Variants in COBLL1 observed in about 807,000 individuals in gnomAD.
COBLL1 encodes the protein cordon-bleu protein-like 1.
A neutral mutation model predicts 94.8 loss-of-function variants in COBLL1; 50 were observed. The observed-to-expected ratio is 0.53, with a 90% CI of 0.42 to 0.67. COBLL1 has a LOEUF of 0.67. COBLL1 is among the 30% of genes least tolerant of loss of function. COBLL1 has a pLI of 0.00. For synonymous variants in COBLL1, 448 were observed against 473.8 expected, an observed-to-expected ratio of 0.95 and a Z score of 0.71; for missense variants, 1,362 against 1,348.7, an observed-to-expected ratio of 1.01 and a Z score of -0.15.
intron 2 of COBLL1, among the ~76,000 whole-genome samples, chr2:164,761,749 T>C (rs373584801): frequency 1.3e-5 from 2 of 152,322 alleles, no homozygotes. Context: ...ACCTAAATAT[T>C]ACTCCATATA....
intron 7 of COBLL1, among the ~76,000 whole-genome samples, chr2:164,705,734 TAA>T (rs1490848256): frequency 2.0e-5 from 3 of 152,078 alleles, no homozygotes; most frequent in Non-Finnish European, 2.9e-5. Context: ...AATAACTATT[TAA>T]AAGAGTTGTT....
chr2:164,796,705 CA>C (rs34412964), intron 2 of COBLL1, among the ~76,000 whole-genome samples: 64 of 86,700 alleles, frequency 7.4e-4, no homozygotes, highest in African/African-American at 1.8e-3. Flanking sequence ...GCTGGCCTTC[CA>C]AAAAAAAAAA....
chr2:164,788,839 C>CAAAA (rs34224594), intron 2 of COBLL1, among the ~76,000 whole-genome samples: 1 of 140,414 alleles, frequency 7.1e-6, no homozygotes, highest in African/African-American at 2.6e-5. Context: ...TATGTTTAAC[C>CAAAA]AAAAAAAAAA....
intron 2 of COBLL1, among the ~76,000 whole-genome samples, chr2:164,766,653 G>C (rs1383623583): frequency 1.3e-5 from 2 of 152,062 alleles, no homozygotes; most frequent in East Asian, 1.9e-4. Context: ...CCAGTCTCAG[G>C]TATTTCTTTA....
At chr2:164,789,056 C>CACACACACACACAT (rs1683034821) in intron 2 of COBLL1, among the ~76,000 whole-genome samples, 1 of 128,052 alleles carries the variant, frequency 7.8e-6, no homozygotes, top group African/African-American at 3.5e-5. Context: ...CACACACACA[C>CACACACACACACAT]ACACACACAG....
intron 7 of COBLL1, among the ~76,000 whole-genome samples, chr2:164,709,307 A>G (rs529203028): frequency 2.0e-5 from 3 of 152,322 alleles, no homozygotes; most frequent in South Asian, 4.1e-4. Flanking sequence ...CAGGGGAAGC[A>G]TTTATTTTAC....
At chr2:164,716,830 A>G (rs890169416) in intron 7 of COBLL1, among the ~76,000 whole-genome samples, 1 of 152,210 alleles carries the variant, frequency 6.6e-6, no homozygotes, top group Non-Finnish European at 1.5e-5. Context: ...ATTGAGAAAT[A>G]TCTTAGAAGA....
At chr2:164,775,559 T>G (rs1244837319) in intron 2 of COBLL1, among the ~76,000 whole-genome samples, 1 of 152,152 alleles carries the variant, frequency 6.6e-6, no homozygotes, top group Non-Finnish European at 1.5e-5. Context: ...GCCTACCAGA[T>G]TCAAGTAATT....
At chr2:164,732,178 C>T (rs180802819) in intron 3 of COBLL1, among the ~76,000 whole-genome samples, 8 of 152,254 alleles carry the variant, frequency 5.3e-5, no homozygotes, top group African/African-American at 1.9e-4. Context: ...ATCAAAGGTT[C>T]TAAGTCCCTC....
intron 1 of COBLL1, chr2:164,665,914 C>A (rs1178665566): frequency 6.6e-6 from 1 of 152,126 alleles, no homozygotes; most frequent in Non-Finnish European, 1.5e-5. Flanking sequence ...AGTGAGAAAA[C>A]AGATTGACAG....
In COBLL1 at chr2:164,694,678, T is replaced by C. The variant is rs773907943; in HGVS notation, c.2714A>G (p.Glu905Gly). ...CTCCGGAGAAGGCAGCATATCCCTT[T>C]CTGCCTCTTTATTTGTCAGTTCTTT... ...APKELTNKEA[E>G]RDMLPSPEQT... The change falls in exon 12 of 14, where the codon GAA becomes GGA. Residue 905 changes from glutamate to glycine, a missense_variant. By Grantham distance (98) the Glu-to-Gly change is moderately conservative. Transcript: ENST00000652658. The C allele has an allele frequency of 1.2e-6, 2 of 1,613,844 alleles. No homozygotes were observed. Among genetic ancestry groups the C allele is most frequent in the Admixed American group, 1.7e-5 (1 of 59,924 alleles).
At chr2:164,760,657 T>G (rs1687636912) in intron 2 of COBLL1, among the ~76,000 whole-genome samples, 1 of 152,144 alleles carries the variant, frequency 6.6e-6, no homozygotes, top group South Asian at 2.1e-4. Flanking sequence ...TATATGATAT[T>G]ATTATTGGGG....
intron 2 of COBLL1, among the ~76,000 whole-genome samples, chr2:164,794,533 G>C (rs1229476830): frequency 6.6e-6 from 1 of 152,074 alleles, no homozygotes; most frequent in Non-Finnish European, 1.5e-5. Context: ...ACACACCTCT[G>C]AAGAGTCATA....
chr2:164,746,838 G>C (rs752637809), intron 2 of COBLL1, among the ~76,000 whole-genome samples: 10 of 152,018 alleles, frequency 6.6e-5, no homozygotes, highest in Non-Finnish European at 1.2e-4. Context: ...AACACATCCA[G>C]AATACCAGGC....
intron 2 of COBLL1, among the ~76,000 whole-genome samples, chr2:164,763,050 T>A (rs1291413419): frequency 6.6e-6 from 1 of 152,156 alleles, no homozygotes; most frequent in African/African-American, 2.4e-5. Context: ...AACATGCTCA[T>A]TTGTTTACAT....
rs1247738174 is a variant in COBLL1 at position 164,694,816 on chromosome 2, T to G, written c.2576A>C (p.Asn859Thr). 9.9e-6 allele frequency: 16 copies of G among 1,613,896 alleles called. No individual in the cohort carries two copies. The highest frequency in any genetic ancestry group is 1.3e-5 in the Non-Finnish European group (15 of 1,179,944). The change falls in exon 12 of 14, where the codon AAT becomes ACT. Residue 859 changes from asparagine (N) to threonine (T), a missense_variant. Transcript: ENST00000652658. Reference protein sequence around the residue: ...LESKFKSRASNAQAKPSSFFL... With the variant: ...LESKFKSRASTAQAKPSSFFL... ...AAAAGAGCTGGGTTTGGCCTGGGCA[T>G]TTGAAGCCCGAGATTTAAATTTTGA...
chr2:164,803,552 G>A (rs1047694791), intron 2 of COBLL1, among the ~76,000 whole-genome samples: 1 of 140,802 alleles, frequency 7.1e-6, no homozygotes, highest in Non-Finnish European at 1.6e-5. Flanking sequence ...GTGACAGAGC[G>A]AGACTCTGTC....
chr2:164,662,844 G>A (rs911025331), intron 2 of COBLL1, among the ~76,000 whole-genome samples: 1 of 152,128 alleles, frequency 6.6e-6, no homozygotes, highest in Non-Finnish European at 1.5e-5. Flanking sequence ...ATAAGTCAAA[G>A]CTCCCTGAGA....
At chr2:164,726,385 T>G (rs1288521803) in intron 5 of COBLL1, among the ~76,000 whole-genome samples, 2 of 152,112 alleles carry the variant, frequency 1.3e-5, no homozygotes, top group Admixed American at 6.6e-5. Flanking sequence ...AATCAATTAT[T>G]TGAGACTTTT....
Sources: allele counts gnomAD v4.1 joint callset (sites outside exome capture counted in the v4.1 genomes callset), GRCh38; gene constraint gnomAD v4.1.1; transcripts MANE v1.5; gene names NCBI Gene and HGNC (gene_info 2026-07-23, HGNC 2026-07-21).